The following AQP7 variants were observed in gnomAD, a reference collection of about 807,000 sequenced individuals.
AQP7 encodes the protein aquaporin 7.
Under a neutral mutation model 26.1 loss-of-function variants are expected in AQP7, and 22 were observed. The ratio of observed to expected loss-of-function variants is 0.84; its 90% CI spans 0.60 to 1.20. The LOEUF (loss-of-function observed/expected upper bound fraction) is 1.20. AQP7 is among the 50% of genes most tolerant of loss of function. The pLI is 0.00. For missense variants in AQP7, 412 were observed against 457.5 expected (o/e 0.90, Z 0.91); for synonymous variants, 167 against 181.7 (o/e 0.92, Z 0.65).
At chr9:33,385,599 A>C (rs771301305) in intron 7 of AQP7, 50 bp downstream of exon 7, 3 of 1,600,986 alleles carry the variant, frequency 1.9e-6, no homozygotes, top group East Asian at 2.2e-5. Context: ...CTCAACACAC[A>C]GGGGACCCAC....
intron 3 of AQP7, among the ~76,000 whole-genome samples, chr9:33,390,837 C>T (rs542598321): frequency 1.6e-4 from 24 of 152,264 alleles, no homozygotes; most frequent in African/African-American, 3.9e-4. Context: ...ATAGGCTGGG[C>T]GCGGTGGCTC....
chr9:33,395,059 G>T lies in AQP7; in HGVS notation c.144+19C>A, dbSNP rs377239361. On this transcript the variant is annotated intron_variant, in intron 3 of 7. Transcript: ENST00000297988. ...GCCCTGGCGGAGCCCCACCCACTTC[G>T]TGCTGCCCACCCACTCACCATCATG... 1.9e-5 allele frequency: 31 copies of T among 1,599,620 alleles called. No homozygotes were observed. Among genetic ancestry groups the T allele is most frequent in the Non-Finnish European group, 2.5e-5 (29 of 1,167,184 alleles).
In AQP7 at chr9:33,385,250, G is replaced by C; in HGVS notation, c.784C>G (p.Leu262Val). ...ATGCCACCTAGATAGGCACCCAGAAGTGGTGCCACCACTGGCACCCACCAC... is the reference window on the plus strand; with the variant it reads ...ATGCCACCTAGATAGGCACCCAGAACTGGTGCCACCACTGGCACCCACCAC... ...NWWWVPVVAP[L>V]LGAYLGGIIY... The change falls in exon 8 of 8, where the codon CTT (leucine) becomes GTT (valine). Residue 262 changes from leucine to valine, a missense_variant. By Grantham distance (32) the Leu-to-Val change is conservative. Transcript: ENST00000297988. The C allele has an allele frequency of 6.2e-7, 1 of 1,611,718 alleles. No individual in the cohort carries two copies. Among genetic ancestry groups the C allele is most frequent in the South Asian group, 1.1e-5 (1 of 90,976 alleles).
intron 2 of AQP7, among the ~76,000 whole-genome samples, chr9:33,399,982 A>G (rs751081161): frequency 1.3e-5 from 2 of 151,728 alleles, no homozygotes; most frequent in African/African-American, 2.4e-5. Flanking sequence ...GGAGAAGGGG[A>G]CCCCTGACTG....
At chr9:33,398,031 G>A (rs1418862041) in intron 2 of AQP7, among the ~76,000 whole-genome samples, 3 of 152,218 alleles carry the variant, frequency 2.0e-5, no homozygotes, top group Non-Finnish European at 4.4e-5. Context: ...AGTGTGATGA[G>A]CACTGCCCCA....
At position 33,395,321 on chromosome 9, in the gene AQP7, G is replaced by A. The variant is rs189741125; in HGVS notation, c.27-126C>T. On this transcript the variant is annotated intron_variant, in intron 2 of 7. Transcript: ENST00000297988. ...GCCTCGCCCACACACGCCTCCTCTT[G>A]CGCAGGGCAGCTGGGACAGCTGGAA... The A allele has an allele frequency of 4.4e-5, 33 of 752,410 alleles. No individual in the cohort carries two copies. In the East Asian group the frequency reaches 7.8e-4, roughly 18 times the overall value. The allele number at this position is 752,410 out of a possible 1,614,324, so 46.6% of individuals were successfully genotyped here. A position where few individuals can be genotyped will look rare whatever the true frequency, so the allele number is the denominator to read the frequency against.
Position 33,385,579 on chromosome 9 carries a change from C to T in AQP7, c.743+70G>A, listed in dbSNP as rs558495578. On this transcript the variant is annotated intron_variant, in intron 7 of 7. Coordinates refer to ENST00000297988, the MANE Select transcript of AQP7 (RefSeq NM_001170.3). ...CCCTCCTGTGCTGCCCCTCACATCA[C>T]CCCCCACCCCTCAACACACAGGGGA... 10 of 1,558,632 alleles carry T rather than the reference C, an allele frequency of 6.4e-6. No homozygotes were observed. In the African/African-American group the frequency reaches 8.1e-5, roughly 13 times the overall value.
In AQP7 at chr9:33,402,546, T is replaced by G. The variant is rs1826372502; in HGVS notation, c.-199A>C. 6.5e-6 allele frequency: 1 copy of G among 152,848 alleles called. No individual in the cohort carries two copies. Among genetic ancestry groups the G allele is most frequent in the East Asian group, 1.9e-4 (1 of 5,202 alleles). The allele number at this position is 152,848 out of a possible 1,614,324, so 9.5% of individuals were successfully genotyped here. A position where few individuals can be genotyped will look rare whatever the true frequency, so the allele number is the denominator to read the frequency against. On this transcript the variant is annotated 5_prime_UTR_variant, in exon 1 of 8. Coordinates refer to ENST00000297988, the MANE Select transcript of AQP7 (RefSeq NM_001170.3). Reference sequence around the variant, plus strand: ...GCCTCTCAGCTCTCCCAGGGCGGCCTCGAGCGCTGCTCCTGCTCCTCCAGG... The same window carrying G: ...GCCTCTCAGCTCTCCCAGGGCGGCCGCGAGCGCTGCTCCTGCTCCTCCAGG...
At chr9:33,398,693 C>T (rs1332521536) in intron 2 of AQP7, among the ~76,000 whole-genome samples, 11 of 152,102 alleles carry the variant, frequency 7.2e-5, no homozygotes, top group Non-Finnish European at 1.0e-4. Flanking sequence ...GTGAGGAGCC[C>T]GCTAGACACT....
rs530200977 is a variant in AQP7 at position 33,386,872 on chromosome 9, T to C, written c.268+97A>G. The C allele has an allele frequency of 2.8e-5, 43 of 1,561,302 alleles. No individual in the cohort carries two copies. The African/African-American group carries it at 4.2e-4, about 15-fold the overall frequency. ...CCGCCCGGTGGCCAGGCTGAGGCAC[T>C]GGCTGTGCTGGCAAAGAAGCTGGCT... On this transcript the variant is annotated intron_variant, in intron 4 of 7. Coordinates refer to ENST00000297988, the MANE Select transcript of AQP7 (RefSeq NM_001170.3).
chr9:33,393,044 A>T (rs1825551996), intron 3 of AQP7, among the ~76,000 whole-genome samples: 1 of 152,208 alleles, frequency 6.6e-6, no homozygotes, highest in Non-Finnish European at 1.5e-5. Context: ...CCTGGCCAAC[A>T]TGGTGAAACC....
At chr9:33,392,800 G>A (rs568488151) in intron 3 of AQP7, among the ~76,000 whole-genome samples, 1 of 152,226 alleles carries the variant, frequency 6.6e-6, no homozygotes, top group Non-Finnish European at 1.5e-5. Flanking sequence ...AGAGAGGAGA[G>A]AGCAGCTAGA....
intron 3 of AQP7, among the ~76,000 whole-genome samples, chr9:33,390,790 C>G (rs1369715142): frequency 1.3e-5 from 2 of 152,170 alleles, no homozygotes; most frequent in South Asian, 4.1e-4. Context: ...GGCCTTTCCC[C>G]CATTCCAATA....
chr9:33,389,384 G>A (rs1334146331), intron 3 of AQP7, among the ~76,000 whole-genome samples: 3 of 151,870 alleles, frequency 2.0e-5, no homozygotes, highest in African/African-American at 2.4e-5. Context: ...TATGTTGCCC[G>A]GGCTGGTCTC....
chr9:33,400,450 C>T (rs1826183911), intron 2 of AQP7, among the ~76,000 whole-genome samples: 1 of 152,028 alleles, frequency 6.6e-6, no homozygotes, highest in South Asian at 2.1e-4. Context: ...GGAGACTAGT[C>T]ACCAGAGGAC....
chr9:33,390,524 A>AAGTCTGAGCAGCTTTGGGGAAGTC (rs2118811255), intron 3 of AQP7, among the ~76,000 whole-genome samples: 1 of 152,022 alleles, frequency 6.6e-6, no homozygotes, highest in Non-Finnish European at 1.5e-5. Context: ...GTCTGAGAAA[A>AAGTCTGAGCAGCTTTGGGGAAGTC]TGTGAAATAG....
chr9:33,401,182 G>T, intron 2 of AQP7, 55 bp downstream of exon 2: 1 of 1,538,566 alleles, frequency 6.5e-7, no homozygotes, highest in Non-Finnish European at 8.8e-7. Flanking sequence ...GGGCACTGAA[G>T]TGGGCTGGGT....
Position 33,395,226 on chromosome 9 carries a change from A to G in AQP7, c.27-31T>C, listed in dbSNP as rs758327693. Reference sequence around the variant, plus strand: ...ACAGTGGCCCGAGCCCATGGACAGAAAGGAGACTCAAGTCTGCCTGCTGCC... The same window carrying G: ...ACAGTGGCCCGAGCCCATGGACAGAGAGGAGACTCAAGTCTGCCTGCTGCC... On this transcript the variant is annotated intron_variant, in intron 2 of 7. Transcript: ENST00000297988. The G allele has an allele frequency of 3.2e-6, 5 of 1,571,626 alleles. No homozygotes were observed. In the South Asian group the frequency reaches 3.3e-5, roughly 10 times the overall value.
Position 33,395,149 on chromosome 9 carries a change from T to C in AQP7, c.73A>G (p.Ile25Val), listed in dbSNP as rs1825750109. ...KMVSWSVIAK[I>V]QEILQRKMVR... ...ATCTTCCTCTGCAGTATTTCCTGGA[T>C]CTTTGCTATCACGGACCAGGAGACC... is the stretch of plus-strand genomic sequence containing the variant. The change falls in exon 3 of 8, where the codon ATC (isoleucine) becomes GTC (valine). Residue 25 changes from isoleucine (I) to valine (V), a missense_variant. Coordinates refer to ENST00000297988, the MANE Select transcript of AQP7 (RefSeq NM_001170.3). The C allele has an allele frequency of 6.2e-7, 1 of 1,613,988 alleles. No individual in the cohort carries two copies. The highest frequency in any genetic ancestry group is 8.5e-7 in the Non-Finnish European group (1 of 1,179,874).
Sources: gnomAD v4.1 joint callset for allele counts (sites outside exome capture counted in the v4.1 genomes callset) on GRCh38, gnomAD v4.1.1 for gene constraint, MANE v1.5 for transcripts, NCBI Gene and HGNC (gene_info 2026-07-23, HGNC 2026-07-21) for gene names.